Variants in PHLDB2 observed in about 807,000 individuals in gnomAD.
PHLDB2 encodes pleckstrin homology-like domain family B member 2.
Under a neutral mutation model 123.6 loss-of-function variants are expected in PHLDB2, and 71 were observed. That is an observed-to-expected ratio of 0.57 (90% CI 0.47 to 0.70). PHLDB2 has a LOEUF of 0.70. Ranked by LOEUF, PHLDB2 falls within the 30% of genes least tolerant of loss-of-function variation. The probability of loss-of-function intolerance (pLI) is 0.00; values close to 1 mark genes in which losing one functional copy is unlikely to be tolerated. For missense variants in PHLDB2, 1,446 were observed against 1,519.5 expected (o/e 0.95, Z 0.80); for synonymous variants, 547 against 541.6 (o/e 1.01, Z -0.14).
At chr3:111,790,293 T>C (rs1267008137) in intron 1 of PHLDB2, among the ~76,000 whole-genome samples, 1 of 152,194 alleles carries the variant, frequency 6.6e-6, no homozygotes, top group Non-Finnish European at 1.5e-5. Context: ...TGTAGTAATA[T>C]GGTTGCCCTT....
chr3:111,854,168 C>T (rs1002619337), intron 2 of PHLDB2, among the ~76,000 whole-genome samples: 2 of 152,164 alleles, frequency 1.3e-5, no homozygotes, highest in African/African-American at 4.8e-5. Context: ...CAGACACTTA[C>T]AAAACCATCA....
rs780647746 is a variant in PHLDB2, at chr3:111,913,639, A to T, written c.1656A>T (p.Pro552=). Reference sequence around the variant, plus strand: ...TCAGTGACCTCACCCGGACTCCTCCACCACCATCCTCCACCTTTCCGAAAG... The same window carrying T: ...TCAGTGACCTCACCCGGACTCCTCCTCCACCATCCTCCACCTTTCCGAAAG... ...ELLSDLTRTP[P]PPSSTFPKAS... is the part of the protein sequence containing the mutation. The change falls in exon 3 of 18, where the codon CCA becomes CCT. Residue 552 remains proline (P), a synonymous_variant. Transcript: ENST00000431670. 1 of 1,613,994 alleles carries T rather than the reference A, an allele frequency of 6.2e-7. No homozygotes were observed. Among genetic ancestry groups the T allele is most frequent in the South Asian group, 1.1e-5 (1 of 91,084 alleles).
chr3:111,835,305 C>G (rs1453843180), intron 1 of PHLDB2, among the ~76,000 whole-genome samples: 1 of 152,126 alleles, frequency 6.6e-6, no homozygotes, highest in African/African-American at 2.4e-5. Flanking sequence ...ATGTACTTAA[C>G]TATCAAGCCA....
chr3:111,866,535 C>T (rs114016649), intron 1 of PHLDB2, among the ~76,000 whole-genome samples: 1 of 152,048 alleles, frequency 6.6e-6, no homozygotes, highest in African/African-American at 2.4e-5. Context: ...GTCTTTTGAT[C>T]AGTAGTGTGG....
At chr3:111,774,794 T>C (rs2060238014) in intron 1 of PHLDB2, among the ~76,000 whole-genome samples, 1 of 152,128 alleles carries the variant, frequency 6.6e-6, no homozygotes, top group African/African-American at 2.4e-5. Context: ...GAGAAATATT[T>C]TCATGATCCA....
chr3:111,913,372 T>C lies in PHLDB2; in HGVS notation c.1389T>C (p.Pro463=). ...ILSLCAEYTK[P]DSRLSTGTTV... is the part of the protein sequence containing the mutation. ...GTCTCTGTGCTGAATACACAAAGCC[T>C]GACAGTCGCTTATCTACTGGGACCA... The change falls in exon 3 of 18, where the codon CCT becomes CCC. Residue 463 remains proline, a synonymous_variant. Transcript: ENST00000431670. The C allele has an allele frequency of 6.2e-7, 1 of 1,613,610 alleles. No individual in the cohort carries two copies. The highest frequency in any genetic ancestry group is 1.1e-5 in the South Asian group (1 of 90,972).
At chr3:111,800,608 C>T (rs2061339352) in intron 1 of PHLDB2, among the ~76,000 whole-genome samples, 1 of 152,126 alleles carries the variant, frequency 6.6e-6, no homozygotes, top group South Asian at 2.1e-4. Flanking sequence ...ATTTTCCCAT[C>T]TCTAATAATG....
chr3:111,808,604 G>A (rs2061701654), intron 1 of PHLDB2, among the ~76,000 whole-genome samples: 1 of 151,902 alleles, frequency 6.6e-6, no homozygotes, highest in South Asian at 2.1e-4. Flanking sequence ...CTGTCACTCA[G>A]GTAGTGCAGA....
intron 1 of PHLDB2, among the ~76,000 whole-genome samples, chr3:111,785,397 C>T (rs569023202): frequency 2.0e-5 from 3 of 152,130 alleles, no homozygotes; most frequent in African/African-American, 4.8e-5. Flanking sequence ...CACTTTGGAG[C>T]TTTAAATTTT....
At position 111,924,839 on chromosome 3, in the gene PHLDB2, A is replaced by T. The variant is rs1182827930; in HGVS notation, c.2001+4420A>T. Among the ~76,000 whole-genome samples, 3 of 151,916 alleles carry T rather than the reference A, an allele frequency of 2.0e-5. No homozygotes were observed. In the South Asian group the frequency reaches 6.2e-4, roughly 32 times the overall value. Reference sequence around the variant, plus strand: ...TCCCCATTCAAATCTTTTGTTTTTTATTTTTTTGGGACAGAGTCTCTCTCT... The same window carrying T: ...TCCCCATTCAAATCTTTTGTTTTTTTTTTTTTTGGGACAGAGTCTCTCTCT... On this transcript the variant is annotated intron_variant, in intron 5 of 17. Coordinates refer to ENST00000431670, the MANE Select transcript of PHLDB2 (RefSeq NM_001134438.2).
At position 111,913,562 on chromosome 3, in the gene PHLDB2, C is replaced by T; in HGVS notation, c.1579C>T (p.Gln527Ter). 6.2e-7 allele frequency: 1 copy of T among 1,614,142 alleles called. No individual in the cohort carries two copies. The highest frequency in any genetic ancestry group is 8.5e-7 in the Non-Finnish European group (1 of 1,180,014). ...ADLASCGSLSQSSASFFTPRS... is the reference protein window; with the variant it reads ...ADLASCGSLS Reference sequence around the variant, plus strand: ...CTTGGCAAGCTGTGGGAGTCTCAGTCAGAGCAGTGCCAGCTTCTTTACCCC... The same window carrying T: ...CTTGGCAAGCTGTGGGAGTCTCAGTTAGAGCAGTGCCAGCTTCTTTACCCC... The change falls in exon 3 of 18, where the codon CAG becomes TAG. Residue 527 changes from glutamine to a stop codon, truncating the protein, a stop_gained. Coordinates refer to ENST00000431670, the MANE Select transcript of PHLDB2 (RefSeq NM_001134438.2). LOFTEE classifies it high-confidence loss of function.
At chr3:111,889,109 A>T (rs1395210310) in intron 2 of PHLDB2, among the ~76,000 whole-genome samples, 1 of 152,226 alleles carries the variant, frequency 6.6e-6, no homozygotes. Context: ...ATTTTATAGA[A>T]GTAATCTTAG....
At chr3:111,952,299 A>G (rs925137758) in intron 10 of PHLDB2, among the ~76,000 whole-genome samples, 3 of 152,172 alleles carry the variant, frequency 2.0e-5, no homozygotes, top group Non-Finnish European at 4.4e-5. Flanking sequence ...AATAATTTGT[A>G]AGTTGTCCTG....
At chr3:111,830,885 G>T (rs1041333159) in intron 1 of PHLDB2, among the ~76,000 whole-genome samples, 1 of 149,428 alleles carries the variant, frequency 6.7e-6, no homozygotes, top group Non-Finnish European at 1.5e-5. Context: ...GGGGCGGTGG[G>T]ATCTTAGGGG....
At chr3:111,811,023 A>G (rs994806414) in intron 1 of PHLDB2, among the ~76,000 whole-genome samples, 1 of 152,192 alleles carries the variant, frequency 6.6e-6, no homozygotes, top group East Asian at 1.9e-4. Flanking sequence ...GAACCCCCTC[A>G]GGGAAACATC....
intron 1 of PHLDB2, among the ~76,000 whole-genome samples, chr3:111,881,191 G>A (rs1167408683): frequency 6.6e-6 from 1 of 152,114 alleles, no homozygotes; most frequent in African/African-American, 2.4e-5. Flanking sequence ...TCTTATAGTG[G>A]TCCTTGTGCT....
chr3:111,870,960 G>A (rs188985908), intron 1 of PHLDB2, among the ~76,000 whole-genome samples: 48 of 152,278 alleles, frequency 3.2e-4, no homozygotes, highest in African/African-American at 1.1e-3. Flanking sequence ...CAGGGCATGA[G>A]TATAGACTCA....
chr3:111,786,259 GATA>G (rs2060676117), intron 1 of PHLDB2, among the ~76,000 whole-genome samples: 1 of 152,154 alleles, frequency 6.6e-6, no homozygotes, highest in South Asian at 2.1e-4. Flanking sequence ...ATCGTTTAAG[GATA>G]ATGACAAGAA....
At chr3:111,823,136 G>A (rs1349223691) in intron 1 of PHLDB2, among the ~76,000 whole-genome samples, 1 of 152,234 alleles carries the variant, frequency 6.6e-6, no homozygotes, top group Non-Finnish European at 1.5e-5. Context: ...AAGCCAGGAG[G>A]CCTAAGGGAC....
Sources: allele counts gnomAD v4.1 joint callset (sites outside exome capture counted in the v4.1 genomes callset), GRCh38; gene constraint gnomAD v4.1.1; transcripts MANE v1.5; gene names NCBI Gene and HGNC (gene_info 2026-07-23, HGNC 2026-07-21).